The following GPC5 variants were observed in gnomAD, a reference collection of about 807,000 sequenced individuals.
GPC5 encodes glypican 5.
A neutral mutation model predicts 53.9 loss-of-function variants in GPC5; 47 were observed. The ratio of observed to expected loss-of-function variants is 0.87; its 90% CI spans 0.69 to 1.11. The LOEUF (loss-of-function observed/expected upper bound fraction) is 1.11. Ranked by LOEUF, GPC5 falls within the 50% of genes most tolerant of loss-of-function variation. GPC5 has a pLI of 0.00. For synonymous variants in GPC5, 286 were observed against 263.3 expected (o/e 1.09, Z -0.84); for missense variants, 748 against 713.1 (o/e 1.05, Z -0.56).
At chr13:92,202,439 A>C (rs2042302003) in intron 7 of GPC5, among the ~76,000 whole-genome samples, 1 of 152,236 alleles carries the variant, frequency 6.6e-6, no homozygotes, top group Non-Finnish European at 1.5e-5. Flanking sequence ...TGAGAAGCAA[A>C]TAGCCACTTA....
At chr13:92,504,977 A>T (rs914556139) in intron 7 of GPC5, among the ~76,000 whole-genome samples, 6 of 137,522 alleles carry the variant, frequency 4.4e-5, no homozygotes, top group Admixed American at 6.9e-5. Context: ...ATATATATTT[A>T]TATATATATA....
At chr13:92,636,828 T>C (rs577138852) in intron 7 of GPC5, among the ~76,000 whole-genome samples, 82 of 152,272 alleles carry the variant, frequency 5.4e-4, no homozygotes, top group Middle Eastern at 3.4e-3. Flanking sequence ...ATATCTCACG[T>C]GCATCTAAAA....
rs1566515523 is a variant in GPC5 at position 91,571,825 on chromosome 13, A to ACACACATATACGTGTGTGTATG, written c.326-121362_326-121361insCACACATATACGTGTGTGTATG. Among the ~76,000 whole-genome samples, 17 of 81,084 alleles carry ACACACATATACGTGTGTGTATG rather than the reference A, an allele frequency of 2.1e-4. 5 individuals are homozygous for ACACACATATACGTGTGTGTATG. Among genetic ancestry groups the ACACACATATACGTGTGTGTATG allele is most frequent in the African/African-American group, 1.4e-3 (17 of 12,360 alleles). 53.2% of individuals were successfully genotyped at this position (81,084 alleles called of 152,430 possible). A position where few individuals can be genotyped will look rare whatever the true frequency, so the allele number is the denominator to read the frequency against. On this transcript the variant is annotated intron_variant, in intron 2 of 7. Transcript: ENST00000377067. ...TATACACACACATACGTGTGTGTATATATACACATATACTTGTGTGTATAT... is the reference window on the plus strand; with the variant it reads ...TATACACACACATACGTGTGTGTATACACACATATACGTGTGTGTATGTATACACATATACTTGTGTGTATAT...
chr13:91,748,057 C>A (rs930703387), intron 4 of GPC5, among the ~76,000 whole-genome samples: 1 of 152,134 alleles, frequency 6.6e-6, no homozygotes, highest in Non-Finnish European at 1.5e-5. Flanking sequence ...AGGGAGAACT[C>A]CAGGTGTACA....
chr13:91,578,764 G>A (rs1441320483), intron 2 of GPC5, among the ~76,000 whole-genome samples: 1 of 151,816 alleles, frequency 6.6e-6, no homozygotes, highest in Non-Finnish European at 1.5e-5. Flanking sequence ...GTAAATTTTA[G>A]GCCGGGTGCG....
At chr13:91,417,524 C>T (rs1349948354) in intron 1 of GPC5, among the ~76,000 whole-genome samples, 2 of 151,950 alleles carry the variant, frequency 1.3e-5, no homozygotes, top group East Asian at 1.9e-4. Context: ...TTGAGAAGGT[C>T]GAGGTAAGGG....
At chr13:92,359,894 A>C (rs996355997) in intron 7 of GPC5, among the ~76,000 whole-genome samples, 1 of 151,746 alleles carries the variant, frequency 6.6e-6, no homozygotes, top group Admixed American at 6.6e-5. Flanking sequence ...GTAGGGACAC[A>C]AATTCAAACC....
At chr13:92,233,898 A>G (rs1400979155) in intron 7 of GPC5, among the ~76,000 whole-genome samples, 3 of 151,652 alleles carry the variant, frequency 2.0e-5, no homozygotes, top group African/African-American at 7.3e-5. Flanking sequence ...TATGAGTGAG[A>G]ACATCTGGTG....
At chr13:92,161,590 T>C (rs111264220) in intron 7 of GPC5, among the ~76,000 whole-genome samples, 1,832 of 152,310 alleles carry the variant, frequency 0.012, 54 homozygotes, top group African/African-American at 0.041. Flanking sequence ...AGTATAGTTT[T>C]CTTCAATCAT....
intron 7 of GPC5, among the ~76,000 whole-genome samples, chr13:92,417,602 G>T (rs1445696794): frequency 6.6e-6 from 1 of 152,164 alleles, no homozygotes; most frequent in Non-Finnish European, 1.5e-5. Context: ...GACTGGTGTG[G>T]TGGCTCATGG....
chr13:92,602,548 T>A (rs2139083359), intron 7 of GPC5, among the ~76,000 whole-genome samples: 1 of 152,122 alleles, frequency 6.6e-6, no homozygotes, highest in African/African-American at 2.4e-5. Context: ...TTTAGCAGCT[T>A]ATTTCTTTTA....
At chr13:92,425,442 T>C (rs1876789190) in intron 7 of GPC5, among the ~76,000 whole-genome samples, 1 of 152,052 alleles carries the variant, frequency 6.6e-6, no homozygotes, top group African/African-American at 2.4e-5. Flanking sequence ...TTTTATTCCT[T>C]ATCTGAAAAA....
At chr13:92,469,706 TGTTTAA>T (rs1594228842) in intron 7 of GPC5, among the ~76,000 whole-genome samples, 1 of 152,250 alleles carries the variant, frequency 6.6e-6, no homozygotes, top group East Asian at 1.9e-4. Flanking sequence ...GTAACTTCTA[TGTTTAA>T]AACCCAATTT....
At chr13:92,013,339 A>G (rs1007312247) in intron 6 of GPC5, among the ~76,000 whole-genome samples, 3 of 152,156 alleles carry the variant, frequency 2.0e-5, no homozygotes, top group African/African-American at 7.2e-5. Context: ...CCTGAAGTTC[A>G]GCTGGTTCTT....
At chr13:91,856,563 G>A (rs1415458143) in intron 5 of GPC5, among the ~76,000 whole-genome samples, 2 of 151,032 alleles carry the variant, frequency 1.3e-5, no homozygotes, top group Non-Finnish European at 3.0e-5. Flanking sequence ...AAAGATGTTA[G>A]GTGTAGTTTC....
chr13:92,553,614 A>G (rs1408352187), intron 7 of GPC5, among the ~76,000 whole-genome samples: 3 of 151,960 alleles, frequency 2.0e-5, no homozygotes, highest in African/African-American at 7.2e-5. Flanking sequence ...AATATATCGA[A>G]GCCGAGGGAA....
At chr13:91,508,890 C>T (rs553831681) in intron 2 of GPC5, among the ~76,000 whole-genome samples, 1 of 152,182 alleles carries the variant, frequency 6.6e-6, no homozygotes, top group South Asian at 2.1e-4. Context: ...AAGGAATTTG[C>T]CCCCCAAAAA....
chr13:91,569,908 A>G (rs1461512312), intron 2 of GPC5, among the ~76,000 whole-genome samples: 2 of 152,154 alleles, frequency 1.3e-5, no homozygotes, highest in Non-Finnish European at 2.9e-5. Flanking sequence ...CAGAAATGTG[A>G]GAAATAAGTT....
chr13:92,360,686 C>T (rs2043558705), intron 7 of GPC5, among the ~76,000 whole-genome samples: 1 of 151,676 alleles, frequency 6.6e-6, no homozygotes, highest in African/African-American at 2.4e-5. Context: ...GAAAGTCAAA[C>T]CATCCTTGTT....
Sources: gnomAD v4.1 joint callset for allele counts (sites outside exome capture counted in the v4.1 genomes callset) on GRCh38, gnomAD v4.1.1 for gene constraint, MANE v1.5 for transcripts, NCBI Gene and HGNC (gene_info 2026-07-23, HGNC 2026-07-21) for gene names.